IFT81: variants seen among roughly 807,000 people sequenced by gnomAD.
The protein encoded by IFT81 is intraflagellar transport 81.
A neutral mutation model predicts 102.6 loss-of-function variants in IFT81; 72 were observed. The ratio of observed to expected loss-of-function variants is 0.70; its 90% CI spans 0.58 to 0.85. The LOEUF (loss-of-function observed/expected upper bound fraction) is 0.85. Ranked by LOEUF, IFT81 falls within the 40% of genes least tolerant of loss-of-function variation. The pLI is 0.00. For missense variants in IFT81, 723 were observed against 787.3 expected (o/e 0.92, Z 0.98); for synonymous variants, 237 against 242.7 (o/e 0.98, Z 0.22).
intron 17 of IFT81, among the ~76,000 whole-genome samples, chr12:110,205,948 G>T (rs566198041): frequency 1.3e-5 from 2 of 151,970 alleles, no homozygotes; most frequent in African/African-American, 4.8e-5. Flanking sequence ...CAGTTCATTG[G>T]CATTGATTAC....
intron 18 of IFT81, among the ~76,000 whole-genome samples, chr12:110,211,921 G>A (rs991510600): frequency 6.6e-6 from 1 of 152,114 alleles, no homozygotes; most frequent in Admixed American, 6.5e-5. Flanking sequence ...CAAATATTCT[G>A]AAACCTGTAA....
intron 13 of IFT81, among the ~76,000 whole-genome samples, chr12:110,192,336 T>C (rs1427520012): frequency 6.6e-6 from 1 of 152,184 alleles, no homozygotes; most frequent in African/African-American, 2.4e-5. Context: ...TATAGTTGTA[T>C]AGGGCAATTT....
intron 1 of IFT81, among the ~76,000 whole-genome samples, chr12:110,125,127 A>G (rs1426176403): frequency 6.6e-6 from 1 of 152,156 alleles, no homozygotes; most frequent in Non-Finnish European, 1.5e-5. Flanking sequence ...ATAATTTCTA[A>G]ATCATTTAAA....
At chr12:110,185,108 G>A (rs1897465963) in intron 12 of IFT81, among the ~76,000 whole-genome samples, 1 of 152,192 alleles carries the variant, frequency 6.6e-6, no homozygotes, top group Admixed American at 6.5e-5. Flanking sequence ...GTTCCATTTA[G>A]CCAGTGAGTG....
At chr12:110,216,015 T>G (rs1870078443) in intron 18 of IFT81, among the ~76,000 whole-genome samples, 1 of 152,176 alleles carries the variant, frequency 6.6e-6, no homozygotes, top group Non-Finnish European at 1.5e-5. Context: ...AAATAGAGTA[T>G]ACACTGTTTC....
intron 18 of IFT81, among the ~76,000 whole-genome samples, chr12:110,212,158 G>C (rs1245856786): frequency 6.7e-6 from 1 of 148,634 alleles, no homozygotes; most frequent in Non-Finnish European, 1.5e-5. Flanking sequence ...TTAGCTCCTA[G>C]AAACCTATAA....
chr12:110,133,459 G>A (rs1336050717), intron 5 of IFT81, among the ~76,000 whole-genome samples: 12 of 133,344 alleles, frequency 9.0e-5, no homozygotes, highest in East Asian at 2.2e-4. Flanking sequence ...TCTGTCTCCA[G>A]AAAAAAAAAA....
At position 110,143,552 on chromosome 12, in the gene IFT81, G is replaced by A; in HGVS notation, c.945+7G>A. On this transcript the variant is annotated splice_region_variant and intron_variant, in intron 9 of 18. Transcript: ENST00000242591. The stretch of plus-strand genomic sequence containing the variant: ...TCTTGAACTTGAATCTAAAGTAAGT[G>A]AGAATCATCTTTTTATAGCTCTCAA... 1.3e-6 allele frequency: 2 copies of A among 1,535,130 alleles called. No homozygotes were observed. Among genetic ancestry groups the A allele is most frequent in the Non-Finnish European group, 1.7e-6 (2 of 1,152,432 alleles).
chr12:110,210,938 T>C (rs1341992196), intron 18 of IFT81, among the ~76,000 whole-genome samples: 1 of 150,802 alleles, frequency 6.6e-6, no homozygotes, highest in Non-Finnish European at 1.5e-5. Context: ...CACTGCAGCC[T>C]TGGCCTCCCC....
chr12:110,191,111 AGTTTT>A (rs1897778077), intron 13 of IFT81, 63 bp downstream of exon 13: 1 of 1,399,998 alleles, frequency 7.1e-7, no homozygotes, highest in African/African-American at 1.5e-5. Context: ...GTTTTGTGTT[AGTTTT>A]ATTTTCAGTG....
chr12:110,149,992 C>T (rs745748518), intron 10 of IFT81, among the ~76,000 whole-genome samples: 2 of 152,152 alleles, frequency 1.3e-5, no homozygotes, highest in Non-Finnish European at 2.9e-5. Context: ...GGGGTGGAGC[C>T]CTCACCAGGG....
rs1160574880 is a variant in IFT81 at position 110,180,561 on chromosome 12, A to G, written c.1328A>G (p.Gln443Arg). Residue 443 changes from glutamine (Q) to arginine (R), a missense_variant, in exon 12 of 19, where the codon CAA becomes CGA. Gln to Arg is a conservative substitution (Grantham distance 43). Coordinates refer to ENST00000242591, the MANE Select transcript of IFT81 (RefSeq NM_014055.4). ...ELLKQRHENI[Q>R]QQLQTMEEKK... ...CTTAAGCAACGTCATGAAAATATTC[A>G]ACAACAACTGGTAATACAGTATTAT... The G allele has an allele frequency of 6.2e-7, 1 of 1,604,718 alleles. No individual in the cohort carries two copies. Among genetic ancestry groups the G allele is most frequent in the Non-Finnish European group, 8.5e-7 (1 of 1,173,382 alleles).
rs529055480 is a variant in IFT81 at position 110,213,288 on chromosome 12, A to G, written c.1848+4072A>G. The stretch of plus-strand genomic sequence containing the variant: ...TTTTCCTTACAATTTATTTGTTGAA[A>G]AGAAAAAAAAAACGGTAATTTGTCC... On this transcript the variant is annotated intron_variant, in intron 18 of 18. Transcript: ENST00000242591. Among the ~76,000 whole-genome samples, 11 of 152,270 alleles carry G rather than the reference A, an allele frequency of 7.2e-5. 1 individual carries two copies. In the South Asian group the frequency reaches 2.1e-3, roughly 29 times the overall value.
At chr12:110,213,014 C>T (rs1008057145) in intron 18 of IFT81, among the ~76,000 whole-genome samples, 4 of 152,096 alleles carry the variant, frequency 2.6e-5, no homozygotes, top group African/African-American at 7.2e-5. Flanking sequence ...TTAAGCACAT[C>T]GCAGACTTAT....
At chr12:110,207,787 TCTC>T (rs1436193445) in intron 17 of IFT81, among the ~76,000 whole-genome samples, 1 of 151,920 alleles carries the variant, frequency 6.6e-6, no homozygotes, top group Admixed American at 6.6e-5. Flanking sequence ...ATGGTCTCGA[TCTC>T]CTGACCTCGT....
intron 11 of IFT81, among the ~76,000 whole-genome samples, chr12:110,179,849 A>G (rs1222744653): frequency 6.9e-6 from 1 of 145,770 alleles, no homozygotes; most frequent in Non-Finnish European, 1.5e-5. Flanking sequence ...CATAATATAT[A>G]TATATAATAT....
chr12:110,183,383 C>T (rs1897388805), intron 12 of IFT81, among the ~76,000 whole-genome samples: 1 of 152,102 alleles, frequency 6.6e-6, no homozygotes, highest in African/African-American at 2.4e-5. Flanking sequence ...GATTCCTTAC[C>T]CAGAGCTCAG....
Position 110,191,520 on chromosome 12 carries a change from T to G in IFT81, c.1467+472T>G, listed in dbSNP as rs1897795967. On this transcript the variant is annotated intron_variant, in intron 13 of 18. Coordinates refer to ENST00000242591, the MANE Select transcript of IFT81 (RefSeq NM_014055.4). ...TGAATTTTTTTCATTCTAGTAAGGT[T>G]GTTCAAATTCTAATAGTTTATGCAT... 2.0e-5 allele frequency among the ~76,000 whole-genome samples: 3 copies of G among 152,176 alleles called. No homozygotes were observed. In the South Asian group the frequency reaches 6.2e-4, roughly 32 times the overall value.
chr12:110,134,732 A>C (rs113712751), intron 5 of IFT81, among the ~76,000 whole-genome samples: 2,565 of 152,238 alleles, frequency 0.017, 34 homozygotes, highest in South Asian at 0.054. Flanking sequence ...TTTTTGTTGC[A>C]TTTCTGGATG....
Sources: gnomAD v4.1 joint callset for allele counts (sites outside exome capture counted in the v4.1 genomes callset) on GRCh38, gnomAD v4.1.1 for gene constraint, MANE v1.5 for transcripts, NCBI Gene and HGNC (gene_info 2026-07-23, HGNC 2026-07-21) for gene names.